SNX18: variants seen among roughly 807,000 people sequenced by gnomAD.
The protein encoded by SNX18 is sorting nexin 18.
In SNX18, 35 loss-of-function variants were observed where a neutral mutation model predicts 48.7. The ratio of observed to expected loss-of-function variants is 0.72; its 90% confidence interval spans 0.55 to 0.95. The LOEUF (loss-of-function observed/expected upper bound fraction) is 0.95. Ranked by LOEUF, SNX18 falls within the 40% of genes least tolerant of loss-of-function variation. The pLI is 0.00. For missense variants in SNX18, 824 were observed against 871.0 expected, an observed-to-expected ratio of 0.95 and a Z score of 0.68; for synonymous variants, 492 against 384.7, an observed-to-expected ratio of 1.28 and a Z score of -3.26.
At chr5:54,632,900 G>C in the SNX18 span, among the ~76,000 whole-genome samples, 13,500 of 151,962 alleles carry the variant, frequency 0.089, 691 homozygotes, top group Middle Eastern at 0.11. Context: ...TCGGCCTCCT[G>C]AGTAGCTGGG....
chr5:54,542,436 C>T (rs1367955557), intron 1 of SNX18, among the ~76,000 whole-genome samples: 1 of 152,208 alleles, frequency 6.6e-6, no homozygotes, highest in Non-Finnish European at 1.5e-5. Context: ...TTATTAAAGC[C>T]CTTGTACTCC....
chr5:54,565,347 G>A, the SNX18 span, among the ~76,000 whole-genome samples: 1 of 152,180 alleles, frequency 6.6e-6, no homozygotes, highest in Admixed American at 6.5e-5. Context: ...GCCAAGGCAG[G>A]AGAATTGCTT....
At chr5:54,632,402 A>G in the SNX18 span, among the ~76,000 whole-genome samples, 1 of 152,306 alleles carries the variant, frequency 6.6e-6, no homozygotes, top group East Asian at 1.9e-4. Flanking sequence ...AGCTGTTGGC[A>G]CCAGCAGGAA....
intron 1 of SNX18, chr5:54,520,048 T>A (rs1288594492): frequency 8.1e-6 from 4 of 490,800 alleles, no homozygotes; most frequent in Non-Finnish European, 1.5e-5. Flanking sequence ...CAATCTCTGC[T>A]TTGGTAGAGG....
the SNX18 span, among the ~76,000 whole-genome samples, chr5:54,575,884 A>G: frequency 1.3e-5 from 2 of 152,164 alleles, no homozygotes. Context: ...TCCTGCCACT[A>G]GTCCAGACCC....
chr5:54,518,214 C>G lies in SNX18; in HGVS notation c.262C>G (p.Pro88Ala), dbSNP rs940382211. 1.4e-6 allele frequency: 2 copies of G among 1,406,394 alleles called. No homozygotes were observed. The highest frequency in any genetic ancestry group is 3.0e-5 in the African/African-American group (2 of 65,848). The allele number at this position is 1,406,394 out of a possible 1,614,324, so 87.1% of individuals were successfully genotyped here. The change falls in exon 1 of 2, where the codon CCC becomes GCC. Residue 88 changes from proline (P) to alanine (A), a missense_variant. Coordinates refer to ENST00000381410, the MANE Select transcript of SNX18 (RefSeq NM_001102575.2). ...YANVPPGGFEPLPVAPPASFK... is the reference protein window; with the variant it reads ...YANVPPGGFEALPVAPPASFK... ...CAATGTGCCCCCCGGGGGCTTCGAG[C>G]CCCTGCCTGTCGCGCCCCCCGCCTC...
chr5:54,607,099 G>A, the SNX18 span, among the ~76,000 whole-genome samples: 4 of 152,070 alleles, frequency 2.6e-5, no homozygotes, highest in Admixed American at 6.6e-5. Context: ...CCTTTGTGTG[G>A]TTCCTGGGTA....
chr5:54,570,086 T>C, the SNX18 span, among the ~76,000 whole-genome samples: 2 of 152,182 alleles, frequency 1.3e-5, no homozygotes, highest in Admixed American at 1.3e-4. Context: ...CAACTTAAGA[T>C]GAGGGTATAC....
At chr5:54,568,579 G>A in the SNX18 span, among the ~76,000 whole-genome samples, 1 of 152,110 alleles carries the variant, frequency 6.6e-6, no homozygotes, top group Non-Finnish European at 1.5e-5. Context: ...CTCTGGCCTG[G>A]CCACCCAAAG....
At chr5:54,526,062 C>T (rs560901414) in intron 1 of SNX18, among the ~76,000 whole-genome samples, 4 of 152,192 alleles carry the variant, frequency 2.6e-5, no homozygotes, top group Admixed American at 6.5e-5. Context: ...ACAGCTGGAG[C>T]GACTTCTCTC....
the SNX18 span, among the ~76,000 whole-genome samples, chr5:54,607,432 G>A: frequency 2.6e-5 from 4 of 152,180 alleles, no homozygotes; most frequent in African/African-American, 9.7e-5. Flanking sequence ...ACACTCTTTC[G>A]ATGTCTATCT....
At chr5:54,562,947 G>A in the SNX18 span, among the ~76,000 whole-genome samples, 1 of 152,132 alleles carries the variant, frequency 6.6e-6, no homozygotes, top group South Asian at 2.1e-4. Flanking sequence ...CCAGGCTAAT[G>A]TGTGTTTGTG....
At chr5:54,616,136 C>T in the SNX18 span, among the ~76,000 whole-genome samples, 4 of 152,184 alleles carry the variant, frequency 2.6e-5, no homozygotes, top group Non-Finnish European at 5.9e-5. Context: ...TGCTTGCTCA[C>T]TAACAAATAT....
chr5:54,639,985 T>A, the SNX18 span, among the ~76,000 whole-genome samples: 1 of 152,282 alleles, frequency 6.6e-6, no homozygotes, highest in African/African-American at 2.4e-5. Flanking sequence ...ATTGTAAGGA[T>A]TCTGTTGGGG....
the SNX18 span, among the ~76,000 whole-genome samples, chr5:54,594,019 C>T: frequency 2.6e-5 from 4 of 151,994 alleles, no homozygotes; most frequent in Non-Finnish European, 5.9e-5. Flanking sequence ...AGATAATTGC[C>T]ATAAAAGAGC....
chr5:54,523,383 A>C (rs2548609), intron 1 of SNX18, among the ~76,000 whole-genome samples: 79,219 of 151,906 alleles, frequency 0.52, 20,878 homozygotes, highest in Non-Finnish European at 0.55. Context: ...GGTTTAAAAG[A>C]TTTAGGTTTA....
chr5:54,647,746 A>G, the SNX18 span, among the ~76,000 whole-genome samples: 1 of 152,218 alleles, frequency 6.6e-6, no homozygotes, highest in Non-Finnish European at 1.5e-5. Flanking sequence ...AAACAGGGGA[A>G]GGCTAAGTAG....
the SNX18 span, among the ~76,000 whole-genome samples, chr5:54,639,984 A>T: frequency 6.6e-6 from 1 of 152,206 alleles, no homozygotes; most frequent in Non-Finnish European, 1.5e-5. Context: ...CATTGTAAGG[A>T]TTCTGTTGGG....
At chr5:54,615,857 T>C in the SNX18 span, among the ~76,000 whole-genome samples, 1 of 152,236 alleles carries the variant, frequency 6.6e-6, no homozygotes, top group Non-Finnish European at 1.5e-5. Context: ...GGCATGTTGA[T>C]TAACATGATG....
Sources: gnomAD v4.1 joint callset for allele counts (sites outside exome capture counted in the v4.1 genomes callset) on GRCh38, gnomAD v4.1.1 for gene constraint, MANE v1.5 for transcripts, NCBI Gene and HGNC (gene_info 2026-07-23, HGNC 2026-07-21) for gene names.